TMEM175: variants seen among roughly 807,000 people sequenced by gnomAD.
TMEM175 encodes transmembrane protein 175.
A neutral mutation model predicts 36.5 loss-of-function variants in TMEM175; 36 were observed. The ratio of observed to expected loss-of-function variants is 0.99; its 90% CI spans 0.76 to 1.30. The LOEUF (loss-of-function observed/expected upper bound fraction) is 1.30. Among genes scored for constraint, TMEM175 ranks in the 50% most tolerant of loss-of-function variants. TMEM175 has a pLI of 0.00. For synonymous variants in TMEM175, 339 were observed against 313.4 expected (o/e 1.08, Z -0.86); for missense variants, 705 against 692.8 (o/e 1.02, Z -0.20).
intron 1 of TMEM175, among the ~76,000 whole-genome samples, chr4:939,574 G>A (rs1727190243): frequency 6.6e-6 from 1 of 152,170 alleles, no homozygotes; most frequent in Non-Finnish European, 1.5e-5. Context: ...AAATTAGCTG[G>A]GCGTGGGGGT....
At chr4:950,648 G>C (rs939844021) in intron 4 of TMEM175, 130 bp downstream of exon 4, 2 of 671,804 alleles carry the variant, frequency 3.0e-6, no homozygotes, top group African/African-American at 3.9e-5. Context: ...TCCGCGTGGG[G>C]ATGGCAGGAC....
rs539082868 is a variant in TMEM175 at position 934,791 on chromosome 4, T to C, written c.-32+2251T>C. 1.4e-4 allele frequency among the ~76,000 whole-genome samples: 21 copies of C among 152,354 alleles called. 1 individual carries two copies. The South Asian group carries it at 4.1e-3, about 30-fold the overall frequency. On this transcript the variant is annotated intron_variant, in intron 1 of 10. Coordinates refer to ENST00000264771, the MANE Select transcript of TMEM175 (RefSeq NM_032326.4). ...GATAATTCTATCTTAATGAGATATCTTCTATCTCTTAGAACATAGGAGGGG... is the reference window on the plus strand; with the variant it reads ...GATAATTCTATCTTAATGAGATATCCTCTATCTCTTAGAACATAGGAGGGG...
chr4:953,500 G>A, intron 8 of TMEM175, 146 bp downstream of exon 8: 1 of 1,020,244 alleles, frequency 9.8e-7, no homozygotes, highest in Non-Finnish European at 1.4e-6. Context: ...GAGGCCCAGG[G>A]CTGCAGTGAG....
rs370733715 is a variant in TMEM175 at position 955,795 on chromosome 4, G to C, written c.747G>C (p.Ser249=). The change falls in exon 10 of 11, where the codon TCG becomes TCC. Residue 249 remains serine, a synonymous_variant. Coordinates refer to ENST00000264771, the MANE Select transcript of TMEM175 (RefSeq NM_032326.4). ...EPSAHPVEVF[S]FDLHEPLSKE... ...CGGCTCACCCAGTGGAAGTCTTCTC[G>C]TTTGACCTCCACGAGCCACTCAGCA... 5.0e-6 allele frequency: 8 copies of C among 1,613,292 alleles called. No individual in the cohort carries two copies. The Admixed American group carries it at 1.2e-4, about 24-fold the overall frequency.
intron 10 of TMEM175, among the ~76,000 whole-genome samples, chr4:957,443 C>T (rs559217675): frequency 1.8e-4 from 28 of 152,274 alleles, no homozygotes; most frequent in Non-Finnish European, 2.8e-4. Context: ...TGGGTGGCTC[C>T]GAGGGCTGGA....
Position 948,109 on chromosome 4 carries a change from C to G in TMEM175, c.154-7C>G, listed in dbSNP as rs765986323. 2.5e-6 allele frequency: 4 copies of G among 1,614,152 alleles called. No homozygotes were observed. In the East Asian group the frequency reaches 8.9e-5, roughly 36 times the overall value. On this transcript the variant is annotated splice_polypyrimidine_tract_variant and splice_region_variant and intron_variant, in intron 2 of 10. Transcript: ENST00000264771. ...TCCTGCTTCCTTCTGTCTCTTTGCCCCCTCAGATCCTGCCTGTGACCCACA... is the reference window on the plus strand; with the variant it reads ...TCCTGCTTCCTTCTGTCTCTTTGCCGCCTCAGATCCTGCCTGTGACCCACA...
At chr4:954,797 C>T (rs1729405721) in intron 8 of TMEM175, among the ~76,000 whole-genome samples, 1 of 152,218 alleles carries the variant, frequency 6.6e-6, no homozygotes, top group Admixed American at 6.5e-5. Flanking sequence ...TCCACATCCT[C>T]ATCAACACCT....
rs554188164 is a variant in TMEM175, at chr4:957,462, G to A, written c.843-362G>A. ...TGGCTCCGAGGGCTGGAAGCTGGGA[G>A]GGAACAGACCTCGCTGCCCCACAGC... On this transcript the variant is annotated intron_variant, in intron 10 of 10. Coordinates refer to ENST00000264771, the MANE Select transcript of TMEM175 (RefSeq NM_032326.4). Among the ~76,000 whole-genome samples the A allele has an allele frequency of 1.2e-4, 19 of 152,336 alleles. No homozygotes were observed. In the East Asian group the frequency reaches 3.7e-3, roughly 29 times the overall value.
rs892400785 is a variant in TMEM175 at position 955,482 on chromosome 4, G to A, written c.705G>A (p.Leu235=). The A allele has an allele frequency of 6.2e-7, 1 of 1,613,692 alleles. No homozygotes were observed. ...KVTGWCRDRL[L]GHREPSAHPV... ...CCGGCTGGTGCAGAGACAGGCTCCT[G>A]GGTAGGTGATGACTGGGTGGGCTGG... is the stretch of plus-strand genomic sequence containing the variant. The change falls in exon 9 of 11, where the codon CTG becomes CTA. Residue 235 remains leucine (L), a splice_region_variant and synonymous_variant. Coordinates refer to ENST00000264771, the MANE Select transcript of TMEM175 (RefSeq NM_032326.4).
rs1319982473 is a variant in TMEM175 at position 956,245 on chromosome 4, A to G, written c.842+355A>G. 4.2e-6 allele frequency: 5 copies of G among 1,185,644 alleles called. No individual in the cohort carries two copies. The African/African-American group carries it at 8.1e-5, about 19-fold the overall frequency. 73.4% of individuals were successfully genotyped at this position (1,185,644 alleles called of 1,614,324 possible). On this transcript the variant is annotated intron_variant, in intron 10 of 10. Coordinates refer to ENST00000264771, the MANE Select transcript of TMEM175 (RefSeq NM_032326.4). The stretch of plus-strand genomic sequence containing the variant: ...CCCCAGGCCTCACCCCTGCCCCAAC[A>G]CCAGCCCCTCCTAGTCCCTAGTCCC...
rs538050271 is a variant in TMEM175 at position 956,067 on chromosome 4, G to GGCGGCCCCTCCCTTCCCA, written c.842+201_842+218dup. On this transcript the variant is annotated intron_variant, in intron 10 of 10. Transcript: ENST00000264771. ...CCACTTCAGGGAGGACAACCTTCCC[G>GGCGGCCCCTCCCTTCCCA]GCGGCCCCTCCCTTCCCAGCGGCCC... is the stretch of plus-strand genomic sequence containing the variant. 88 of 786,590 alleles carry GGCGGCCCCTCCCTTCCCA rather than the reference G, an allele frequency of 1.1e-4. No individual in the cohort carries two copies. The African/African-American group carries it at 1.6e-3, about 15-fold the overall frequency. 48.7% of individuals were successfully genotyped at this position (786,590 alleles called of 1,614,324 possible). A position where few individuals can be genotyped will look rare whatever the true frequency, so the allele number is the denominator to read the frequency against.
rs539694089 is a variant in TMEM175 at position 940,150 on chromosome 4, C to A, written c.-31-7559C>A. Among the ~76,000 whole-genome samples the A allele has an allele frequency of 1.1e-4, 16 of 152,222 alleles. No homozygotes were observed. The East Asian group carries it at 2.9e-3, about 28-fold the overall frequency. On this transcript the variant is annotated intron_variant, in intron 1 of 10. Transcript: ENST00000264771. ...TCTGGAAAAGGCAAAATTATGAAGACAGTAAAAAGAGCAGTAGGCCAGGCG... is the reference window on the plus strand; with the variant it reads ...TCTGGAAAAGGCAAAATTATGAAGAAAGTAAAAAGAGCAGTAGGCCAGGCG...
chr4:954,603 C>G (rs770563648), intron 8 of TMEM175, among the ~76,000 whole-genome samples: 1 of 152,196 alleles, frequency 6.6e-6, no homozygotes, highest in Non-Finnish European at 1.5e-5. Context: ...CTGAGCATTG[C>G]TGGACACGTG....
rs1461200475 is a variant in TMEM175, at chr4:957,910, T to A, written c.929T>A (p.Phe310Tyr). ...GCCCTGAGTGCGACCGGGCCGCGCT[T>A]CCTGGCGTACTTCGGCTCCTTCGCC... ...VAALSATGPR[F>Y]LAYFGSFATV... Residue 310 changes from phenylalanine to tyrosine, a missense_variant, in exon 11 of 11, where the codon TTC becomes TAC. Coordinates refer to ENST00000264771, the MANE Select transcript of TMEM175 (RefSeq NM_032326.4). 6.2e-7 allele frequency: 1 copy of A among 1,612,886 alleles called. No individual in the cohort carries two copies. Among genetic ancestry groups the A allele is most frequent in the South Asian group, 1.1e-5 (1 of 91,074 alleles).
chr4:958,126 T>C lies in TMEM175; in HGVS notation c.1145T>C (p.Ile382Thr), dbSNP rs1560504587. 1.2e-6 allele frequency: 2 copies of C among 1,603,360 alleles called. No homozygotes were observed. The highest frequency in any genetic ancestry group is 2.2e-5 in the East Asian group (1 of 44,870). Residue 382 changes from isoleucine to threonine, a missense_variant, in exon 11 of 11, where the codon ATC becomes ACC. Physicochemically the swap from Ile to Thr is moderately conservative, Grantham distance 89. Coordinates refer to ENST00000264771, the MANE Select transcript of TMEM175 (RefSeq NM_032326.4). ...ELERVRVSCT[I>T]IFLASIFQLA... The stretch of plus-strand genomic sequence containing the variant: ...GAGCGCGTGCGTGTCAGCTGCACCA[T>C]CATCTTCCTGGCCAGCATCTTCCAG...
chr4:949,855 C>T (rs577508182), intron 3 of TMEM175, among the ~76,000 whole-genome samples: 3 of 150,514 alleles, frequency 2.0e-5, no homozygotes, highest in South Asian at 2.1e-4. Context: ...AGGTGTGACC[C>T]TTTTGTGCTG....
At chr4:939,762 A>G (rs1407941369) in intron 1 of TMEM175, among the ~76,000 whole-genome samples, 1 of 152,212 alleles carries the variant, frequency 6.6e-6, no homozygotes, top group Non-Finnish European at 1.5e-5. Context: ...CATTATGTAT[A>G]AAAGTTAACT....
intron 8 of TMEM175, among the ~76,000 whole-genome samples, chr4:953,638 G>A (rs1176442101): frequency 6.6e-6 from 1 of 152,248 alleles, no homozygotes; most frequent in African/African-American, 2.4e-5. Context: ...CGATGACGAT[G>A]ACCAGAAACA....
chr4:958,251 G>C lies in TMEM175; in HGVS notation c.1270G>C (p.Ala424Pro). Residue 424 changes from alanine (A) to proline (P), a missense_variant, in exon 11 of 11, where the codon GCG (alanine) becomes CCG (proline). Physicochemically the swap from Ala to Pro is conservative, Grantham distance 27. Coordinates refer to ENST00000264771, the MANE Select transcript of TMEM175 (RefSeq NM_032326.4). ...GCATGTGCTCATGTTCGCCAAGCTG[G>C]CGCTGTACCCCTGTGCCAGCCTGCT... ...REHVLMFAKL[A>P]LYPCASLLAF... 1 of 1,605,650 alleles carries C rather than the reference G, an allele frequency of 6.2e-7. No homozygotes were observed. The highest frequency in any genetic ancestry group is 8.5e-7 in the Non-Finnish European group (1 of 1,178,700).
Sources: gnomAD v4.1 joint callset for allele counts (sites outside exome capture counted in the v4.1 genomes callset) on GRCh38, gnomAD v4.1.1 for gene constraint, MANE v1.5 for transcripts, NCBI Gene and HGNC (gene_info 2026-07-23, HGNC 2026-07-21) for gene names.